The following ARHGEF7 variants were observed in gnomAD, a reference collection of about 807,000 sequenced individuals.
The protein encoded by ARHGEF7 is Rho guanine nucleotide exchange factor 7.
ARHGEF7 carries 33 observed loss-of-function variants against 109.8 expected under a neutral mutation model. The ratio of observed to expected loss-of-function variants is 0.30; its 90% CI spans 0.23 to 0.40. The LOEUF is 0.40. ARHGEF7 is among the 10% of genes least tolerant of loss of function. The pLI is 1.00. For missense variants in ARHGEF7, 938 were observed against 1,098.5 expected, an observed-to-expected ratio of 0.85 and a Z score of 2.07; for synonymous variants, 458 against 424.6, an observed-to-expected ratio of 1.08 and a Z score of -0.97.
intron 2 of ARHGEF7, among the ~76,000 whole-genome samples, chr13:111,193,524 G>A (rs1424265664): frequency 6.6e-6 from 1 of 152,230 alleles, no homozygotes; most frequent in East Asian, 1.9e-4. Context: ...CAGAGGTTAG[G>A]AACTCCCTTT....
At chr13:111,288,281 C>A in intron 17 of ARHGEF7, 73 bp from the exon 18 acceptor site, 1 of 876,896 alleles carries the variant, frequency 1.1e-6, no homozygotes. Context: ...TTGATGTCTG[C>A]ATTGCATTCG....
Position 111,280,677 on chromosome 13 carries a change from C to A in ARHGEF7, c.1725C>A (p.Thr575=). The A allele has an allele frequency of 6.4e-7, 1 of 1,560,134 alleles. No homozygotes were observed. Among genetic ancestry groups the A allele is most frequent in the Middle Eastern group, 1.7e-4 (1 of 5,788 alleles). ...TIKPHSVPSH[T]LPSHPVTPSS... ...AGCCTCATTCAGTGCCATCTCATAC[C>A]GTAAGGACTTGGTGCTTCTCCTCCT... Residue 575 remains threonine (T), a splice_region_variant and synonymous_variant, in exon 15 of 22, where the codon ACC becomes ACA. Transcript: ENST00000646102.
chr13:111,225,942 C>T (rs907331820), intron 5 of ARHGEF7, among the ~76,000 whole-genome samples: 1 of 152,140 alleles, frequency 6.6e-6, no homozygotes, highest in Non-Finnish European at 1.5e-5. Context: ...AACGATTAAC[C>T]TTAGTGAGGA....
intron 6 of ARHGEF7, among the ~76,000 whole-genome samples, chr13:111,237,127 T>C (rs2086942700): frequency 6.6e-6 from 1 of 152,190 alleles, no homozygotes; most frequent in South Asian, 2.1e-4. Flanking sequence ...TCTTTTAGGC[T>C]ACCTAATGAG....
At position 111,131,379 on chromosome 13, in the gene ARHGEF7, T is replaced by G; in HGVS notation, c.165+15688T>G. ...GAGCCCTGGGCGAGGCTTACCTAGG[T>G]TTGGGGCAAGGAGATCAGGAATGGA... is the stretch of plus-strand genomic sequence containing the variant. On this transcript the variant is annotated intron_variant, in intron 1 of 21. Transcript: ENST00000646102. This position sits in a 1 kb window ranked among gnomAD's most constrained non-coding sequence, Gnocchi z 4.4. Among the ~76,000 whole-genome samples the G allele has an allele frequency of 6.6e-6, 1 of 151,716 alleles. No individual in the cohort carries two copies. The highest frequency in any genetic ancestry group is 1.5e-5 in the Non-Finnish European group (1 of 67,916).
chr13:111,179,688 T>C (rs1341250468), intron 2 of ARHGEF7, among the ~76,000 whole-genome samples: 1 of 152,202 alleles, frequency 6.6e-6, no homozygotes, highest in Non-Finnish European at 1.5e-5. Flanking sequence ...GGTTTGTCTC[T>C]AGTTTATTTT....
intron 2 of ARHGEF7, among the ~76,000 whole-genome samples, chr13:111,157,868 A>G (rs2076461515): frequency 6.6e-6 from 1 of 152,218 alleles, no homozygotes; most frequent in African/African-American, 2.4e-5. Context: ...ACCCTATGCA[A>G]CATTGTCTGA....
In ARHGEF7 at chr13:111,181,780, G is replaced by A. The variant is rs189257784; in HGVS notation, c.253-23509G>A. 1.9e-3 allele frequency among the ~76,000 whole-genome samples: 284 copies of A among 152,286 alleles called. 1 individual carries two copies. The highest frequency in any genetic ancestry group is 8.3e-3 in the South Asian group (40 of 4,820). On this transcript the variant is annotated intron_variant, in intron 2 of 21. Transcript: ENST00000646102. Reference sequence around the variant, plus strand: ...GAGAGGCGCAGCTGTCATGGGGTTGGGACTCAGAGAGGGGAAGAAACATTC... The same window carrying A: ...GAGAGGCGCAGCTGTCATGGGGTTGAGACTCAGAGAGGGGAAGAAACATTC...
intron 3 of ARHGEF7, among the ~76,000 whole-genome samples, chr13:111,208,926 G>T (rs2082187188): frequency 6.6e-6 from 1 of 152,224 alleles, no homozygotes; most frequent in Non-Finnish European, 1.5e-5. Flanking sequence ...TACCTGATGG[G>T]ATATAGACCT....
chr13:111,177,723 A>T (rs1259824964), intron 2 of ARHGEF7, among the ~76,000 whole-genome samples: 1 of 152,188 alleles, frequency 6.6e-6, no homozygotes, highest in African/African-American at 2.4e-5. Flanking sequence ...GGTAAAAGGC[A>T]TGTCTTTCTG....
chr13:111,169,197 G>A (rs1322307093), intron 2 of ARHGEF7, among the ~76,000 whole-genome samples: 1 of 152,176 alleles, frequency 6.6e-6, no homozygotes, highest in Non-Finnish European at 1.5e-5. Flanking sequence ...GAAGAAAGTC[G>A]TGTGTTAGGA....
chr13:111,132,370 T>A (rs1323394666), intron 1 of ARHGEF7, among the ~76,000 whole-genome samples: 1 of 152,162 alleles, frequency 6.6e-6, no homozygotes, highest in Non-Finnish European at 1.5e-5. Context: ...CCCCTTTGAT[T>A]CATTTGATAG....
rs547144730 is a variant in ARHGEF7, at chr13:111,301,318, A to G, written c.2412-160A>G. On this transcript the variant is annotated intron_variant, in intron 20 of 21. Transcript: ENST00000646102. ...GACTAGGCTTGAACCTGCCATGCAC[A>G]GAGGTTGGCAGTTTTTAGTTGTGAA... Among the ~76,000 whole-genome samples the G allele has an allele frequency of 9.8e-5, 15 of 152,308 alleles. No homozygotes were observed. In the East Asian group the frequency reaches 2.7e-3, roughly 27 times the overall value.
At chr13:111,215,861 C>T (rs1418294300) in intron 4 of ARHGEF7, among the ~76,000 whole-genome samples, 2 of 152,110 alleles carry the variant, frequency 1.3e-5, no homozygotes, top group Non-Finnish European at 2.9e-5. Context: ...ACCTGGGACA[C>T]TCCCCCTGAC....
intron 21 of ARHGEF7, among the ~76,000 whole-genome samples, chr13:111,301,762 A>G (rs2093574044): frequency 6.6e-6 from 1 of 152,132 alleles, no homozygotes; most frequent in Non-Finnish European, 1.5e-5. Flanking sequence ...GCATAGCGGC[A>G]GGTGCCTGTA....
At chr13:111,202,738 A>G (rs968587134) in intron 2 of ARHGEF7, among the ~76,000 whole-genome samples, 1 of 152,268 alleles carries the variant, frequency 6.6e-6, no homozygotes, top group African/African-American at 2.4e-5. Context: ...TTCCCATAGT[A>G]CAAAATTTCT....
intron 5 of ARHGEF7, among the ~76,000 whole-genome samples, chr13:111,221,223 ATATC>A (rs1195411379): frequency 1.0e-4 from 6 of 58,548 alleles, no homozygotes; most frequent in African/African-American, 3.9e-4. Flanking sequence ...ATGTCTATAT[ATATC>A]TATATAGATA....
chr13:111,281,030 T>G lies in ARHGEF7; in HGVS notation c.1725+353T>G, dbSNP rs1595489118. 4 of 171,926 alleles carry G rather than the reference T, an allele frequency of 2.3e-5. No individual in the cohort carries two copies. In the East Asian group the frequency reaches 6.1e-4, roughly 26 times the overall value. 10.7% of individuals were successfully genotyped at this position (171,926 alleles called of 1,614,324 possible). ...AATTTTAACTGTTTATTATGCTTCATTTAAGAAAACAAAAAATAAATGATT... is the reference window on the plus strand; with the variant it reads ...AATTTTAACTGTTTATTATGCTTCAGTTAAGAAAACAAAAAATAAATGATT... On this transcript the variant is annotated intron_variant, in intron 15 of 21. Transcript: ENST00000646102.
intron 2 of ARHGEF7, among the ~76,000 whole-genome samples, chr13:111,191,548 G>T (rs2079893096): frequency 6.6e-6 from 1 of 152,156 alleles, no homozygotes; most frequent in Non-Finnish European, 1.5e-5. Flanking sequence ...AGGTTAAGTT[G>T]GTAGAGACCC....
Sources: gnomAD v4.1 joint callset for allele counts (sites outside exome capture counted in the v4.1 genomes callset) on GRCh38, gnomAD v4.1.1 for gene constraint, Gnocchi (gnomAD v3.1) non-coding constraint, MANE v1.5 for transcripts, NCBI Gene and HGNC (gene_info 2026-07-23, HGNC 2026-07-21) for gene names.